The following HADHA variants were observed in gnomAD, a reference collection of about 807,000 sequenced individuals.
HADHA encodes the protein hydroxyacyl-CoA dehydrogenase trifunctional multienzyme complex subunit alpha, also known as trifunctional enzyme subunit alpha, mitochondrial.
Under a neutral mutation model 91.3 loss-of-function variants are expected in HADHA, and 59 were observed. The ratio of observed to expected loss-of-function variants is 0.65; its 90% CI spans 0.52 to 0.80. The LOEUF (loss-of-function observed/expected upper bound fraction) is 0.80. Among genes scored for constraint, HADHA ranks in the 30% least tolerant of loss-of-function variants. The pLI is 0.00. For synonymous variants in HADHA, 320 were observed against 338.9 expected, an observed-to-expected ratio of 0.94 and a Z score of 0.61; for missense variants, 800 against 927.6, an observed-to-expected ratio of 0.86 and a Z score of 1.79.
At position 26,190,889 on chromosome 2, in the gene HADHA, TTTA is replaced by T; in HGVS notation, c.*358_*360del. 1 of 362,610 alleles carries T rather than the reference TTTA, an allele frequency of 2.8e-6. No homozygotes were observed. Among genetic ancestry groups the T allele is most frequent in the East Asian group, 6.1e-5 (1 of 16,354 alleles). The allele number at this position is 362,610 out of a possible 1,614,324, so 22.5% of individuals were successfully genotyped here. A position where few individuals can be genotyped will look rare whatever the true frequency, so the allele number is the denominator to read the frequency against. On this transcript the variant is annotated 3_prime_UTR_variant, in exon 20 of 20. Coordinates refer to ENST00000380649, the MANE Select transcript of HADHA (RefSeq NM_000182.5). ...AAAGATGCTGACACAGAGTTTGGTT[TTTA>T]TTGTTATGTGTTTGGCTGGGTGCAG...
chr2:26,206,495 C>T (rs983572127), intron 11 of HADHA, among the ~76,000 whole-genome samples: 1 of 152,130 alleles, frequency 6.6e-6, no homozygotes, highest in Admixed American at 6.5e-5. Flanking sequence ...TCCCAAAGTG[C>T]TGGGATTACA....
At position 26,236,843 on chromosome 2, in the gene HADHA, C is replaced by A. The variant is rs1159113218; in HGVS notation, c.314+12G>T. ...CAAGATAAAAGGTGACTTCAAGTTT[C>A]CTAAAACTTACTTGATATCAGCACC... On this transcript the variant is annotated intron_variant, in intron 4 of 19. Coordinates refer to ENST00000380649, the MANE Select transcript of HADHA (RefSeq NM_000182.5). 1 of 1,603,158 alleles carries A rather than the reference C, an allele frequency of 6.2e-7. No homozygotes were observed. Among genetic ancestry groups the A allele is most frequent in the East Asian group, 2.2e-5 (1 of 44,866 alleles).
intron 1 of HADHA, among the ~76,000 whole-genome samples, chr2:26,241,341 C>T (rs754582147): frequency 4.6e-5 from 7 of 151,970 alleles, no homozygotes; most frequent in East Asian, 1.9e-4. Context: ...AATCTATGGC[C>T]GGGCGCGGTG....
At chr2:26,217,332 T>C (rs771979538) in intron 7 of HADHA, among the ~76,000 whole-genome samples, 3 of 152,172 alleles carry the variant, frequency 2.0e-5, no homozygotes, top group South Asian at 2.1e-4. Context: ...TTTTGGGCAA[T>C]ATCAAATGAC....
intron 11 of HADHA, among the ~76,000 whole-genome samples, chr2:26,204,947 T>C (rs1669937491): frequency 6.6e-6 from 1 of 152,192 alleles, no homozygotes; most frequent in Admixed American, 6.5e-5. Context: ...CAAAGTCTCC[T>C]CCATGGTCTC....
intron 12 of HADHA, among the ~76,000 whole-genome samples, chr2:26,202,936 G>A (rs1197744690): frequency 2.6e-5 from 4 of 152,202 alleles, no homozygotes; most frequent in East Asian, 1.9e-4. Flanking sequence ...TGTGGTGAGC[G>A]GCACTCGCCA....
chr2:26,232,015 C>A (rs1463754815), intron 6 of HADHA, 145 bp downstream of exon 6: 18 of 633,138 alleles, frequency 2.8e-5, no homozygotes, highest in South Asian at 5.4e-5. Context: ...AAATAAGTAC[C>A]AGGAATAAAG....
chr2:26,192,109 AGTGGTCCTCCTGTTCAGGTATG>A (rs1558313786), intron 18 of HADHA, among the ~76,000 whole-genome samples, 179 bp downstream of exon 18: 1 of 152,084 alleles, frequency 6.6e-6, no homozygotes, highest in African/African-American at 2.4e-5. Context: ...CAGCATCAGG[AGTGGTCCTCCTGTTCAGGTATG>A]GTGGTCACAA....
At chr2:26,219,452 A>G (rs1670319288) in intron 7 of HADHA, among the ~76,000 whole-genome samples, 1 of 152,230 alleles carries the variant, frequency 6.6e-6, no homozygotes, top group South Asian at 2.1e-4. Context: ...TCCAAAAGAA[A>G]GCAGGAAGAA....
rs1297938234 is a variant in HADHA, at chr2:26,234,357, T to A, written c.315-2A>T. 1.9e-6 allele frequency: 3 copies of A among 1,611,682 alleles called. No individual in the cohort carries two copies. Among genetic ancestry groups the A allele is most frequent in the African/African-American group, 2.7e-5 (2 of 74,914 alleles). ...AGGGTCTTGCAAGCGGCTAACATGC[T>A]GCATTATCCATAAAAGTAGAGAACA... On this transcript the variant is annotated splice_acceptor_variant, in intron 4 of 19. Transcript: ENST00000380649. LOFTEE classifies it high-confidence loss of function.
chr2:26,206,353 C>T (rs1217753966), intron 11 of HADHA, among the ~76,000 whole-genome samples: 3 of 151,690 alleles, frequency 2.0e-5, no homozygotes, highest in African/African-American at 4.8e-5. Flanking sequence ...CTCAGACTCC[C>T]GAGGAGCTGG....
chr2:26,191,444 A>C, intron 19 of HADHA, 39 bp downstream of exon 19: 1 of 1,614,186 alleles, frequency 6.2e-7, no homozygotes. Context: ...CACGGGCTCC[A>C]GGCTAAAGTG....
At position 26,194,591 on chromosome 2, in the gene HADHA, A is replaced by G; in HGVS notation, c.1668T>C (p.Ser556=). Residue 556 remains serine (S), a synonymous_variant, in exon 16 of 20, where the codon TCT becomes TCC. Coordinates refer to ENST00000380649, the MANE Select transcript of HADHA (RefSeq NM_000182.5). ...YTTRCLAPMM[S]EVIRILQEGV... is the part of the protein sequence containing the mutation. ...CAACCTGGAGGATTCGGATGACTTC[A>G]GACATCATGGGCGCAAGACACCTGG... is the stretch of plus-strand genomic sequence containing the variant. 1 of 1,611,480 alleles carries G rather than the reference A, an allele frequency of 6.2e-7. No individual in the cohort carries two copies. The highest frequency in any genetic ancestry group is 8.5e-7 in the Non-Finnish European group (1 of 1,177,636).
intron 1 of HADHA, among the ~76,000 whole-genome samples, chr2:26,239,685 T>C (rs1670845897): frequency 6.8e-6 from 1 of 148,086 alleles, no homozygotes; most frequent in African/African-American, 2.5e-5. Flanking sequence ...GCACAAAAAA[T>C]AGCAGCTTTA....
Position 26,192,420 on chromosome 2 carries a change from AC to A in HADHA, c.1889del (p.Arg630LeufsTer14). The A allele has an allele frequency of 1.3e-6, 2 of 1,514,640 alleles. No individual in the cohort carries two copies. The highest frequency in any genetic ancestry group is 1.8e-6 in the Non-Finnish European group (2 of 1,089,096). The allele number at this position is 1,514,640 out of a possible 1,614,324, so 93.8% of individuals were successfully genotyped here. A position where few individuals can be genotyped will look rare whatever the true frequency, so the allele number is the denominator to read the frequency against. ...AGATGTAAAAGCCCTTCCCAGATTTACGACCTAAAACAGGCAAGAAAAGGGA... is the reference window on the plus strand; with the variant it reads ...AGATGTAAAAGCCCTTCCCAGATTTAGACCTAAAACAGGCAAGAAAAGGGA... ...TQMVSKGFLG[R>X]KSGKGFYIYQ... On this transcript the variant is annotated frameshift_variant, in exon 18 of 20. Transcript: ENST00000380649. LOFTEE classifies it high-confidence loss of function.
At position 26,197,671 on chromosome 2, in the gene HADHA, T is replaced by C. The variant is rs930992571; in HGVS notation, c.1479+20A>G. 1.8e-6 allele frequency: 2 copies of C among 1,115,068 alleles called. No homozygotes were observed. Among genetic ancestry groups the C allele is most frequent in the African/African-American group, 1.5e-5 (1 of 65,546 alleles). The allele number at this position is 1,115,068 out of a possible 1,614,324, so 69.1% of individuals were successfully genotyped here. ...TGAAGCAATAAAACATCTCAGGGTT[T>C]TTCTCTGTTCCGAGTTTACCTTCTC... On this transcript the variant is annotated intron_variant, in intron 14 of 19. Coordinates refer to ENST00000380649, the MANE Select transcript of HADHA (RefSeq NM_000182.5).
chr2:26,227,091 A>C (rs1670500977), intron 7 of HADHA, among the ~76,000 whole-genome samples: 2 of 152,206 alleles, frequency 1.3e-5, no homozygotes, highest in Admixed American at 1.3e-4. Context: ...TGAAAACTCG[A>C]TAATAGGAAA....
intron 12 of HADHA, among the ~76,000 whole-genome samples, chr2:26,202,681 C>T (rs775449848): frequency 6.6e-6 from 1 of 152,196 alleles, no homozygotes; most frequent in Non-Finnish European, 1.5e-5. Flanking sequence ...GCAGAGGTTG[C>T]AGTGAGCCAA....
At chr2:26,216,317 A>ATTTTTTTTT (rs11406704) in intron 7 of HADHA, among the ~76,000 whole-genome samples, 1 of 110,190 alleles carries the variant, frequency 9.1e-6, no homozygotes. Flanking sequence ...CATTTGACCT[A>ATTTTTTTTT]TTTTTTTTTT....
Sources: allele counts gnomAD v4.1 joint callset (sites outside exome capture counted in the v4.1 genomes callset), GRCh38; gene constraint gnomAD v4.1.1; transcripts MANE v1.5; gene names NCBI Gene and HGNC (gene_info 2026-07-23, HGNC 2026-07-21).